Variants in AIF1L observed in about 807,000 individuals in gnomAD.
AIF1L encodes the protein allograft inflammatory factor 1-like.
Under a neutral mutation model 20.7 loss-of-function variants are expected in AIF1L, and 12 were observed. That is an observed-to-expected ratio of 0.58 (90% CI 0.37 to 0.94). The LOEUF (loss-of-function observed/expected upper bound fraction) is 0.94, where lower values mean the gene tolerates loss of function less well. AIF1L is among the 40% of genes least tolerant of loss of function. The pLI, the probability that AIF1L is intolerant of heterozygous loss-of-function variation, is 0.01. For missense variants in AIF1L, 173 were observed against 185.3 expected (o/e 0.93, Z 0.39); for synonymous variants, 76 against 65.1 (o/e 1.17, Z -0.81).
chr9:131,112,785 A>T (rs1336943346), intron 3 of AIF1L, among the ~76,000 whole-genome samples: 2 of 152,070 alleles, frequency 1.3e-5, no homozygotes, highest in African/African-American at 4.8e-5. Context: ...CATCCCAGCC[A>T]CCTGTAGGAG....
rs538555537 is a variant in AIF1L, at chr9:131,102,972, G to T, written c.93+6109G>T. ...CCTGGAGGGCCAGGAGCAAGGGTTCGCCAGAAGGTGCTAGAGGTACCAGCC... is the reference window on the plus strand; with the variant it reads ...CCTGGAGGGCCAGGAGCAAGGGTTCTCCAGAAGGTGCTAGAGGTACCAGCC... On this transcript the variant is annotated intron_variant, in intron 2 of 5. Coordinates refer to ENST00000247291, the MANE Select transcript of AIF1L (RefSeq NM_031426.4). 228 of 456,380 alleles carry T rather than the reference G, an allele frequency of 5.0e-4. 5 individuals are homozygous for T. Among genetic ancestry groups the T allele is most frequent in the South Asian group, 2.7e-3 (172 of 64,572 alleles). The allele number at this position is 456,380 out of a possible 1,614,324, so 28.3% of individuals were successfully genotyped here.
At chr9:131,119,935 G>C (rs543276357) in intron 5 of AIF1L, among the ~76,000 whole-genome samples, 1 of 152,330 alleles carries the variant, frequency 6.6e-6, no homozygotes, top group Admixed American at 6.5e-5. Flanking sequence ...GTTAAGGGAA[G>C]GGTATGGCCT....
At chr9:131,109,139 CTTGATGCTAGCACA>C (rs1188042565) in intron 2 of AIF1L, among the ~76,000 whole-genome samples, 2 of 83,644 alleles carry the variant, frequency 2.4e-5, no homozygotes, top group African/African-American at 6.6e-5. Flanking sequence ...CCTCTGCTCC[CTTGATGCTAGCACA>C]GTGAGTGCTG....
At chr9:131,100,216 GTTA>G (rs1023009885) in intron 2 of AIF1L, among the ~76,000 whole-genome samples, 14 of 152,252 alleles carry the variant, frequency 9.2e-5, no homozygotes, top group Non-Finnish European at 1.5e-4. Flanking sequence ...CTTAGCTATT[GTTA>G]TTATAAGGGA....
At chr9:131,116,513 C>A (rs1026782199) in intron 4 of AIF1L, among the ~76,000 whole-genome samples, 1 of 152,188 alleles carries the variant, frequency 6.6e-6, no homozygotes, top group East Asian at 1.9e-4. Flanking sequence ...ATCCGCCTGC[C>A]TCGTCGTCCC....
At chr9:131,107,057 C>T (rs752418723) in intron 2 of AIF1L, among the ~76,000 whole-genome samples, 2 of 152,152 alleles carry the variant, frequency 1.3e-5, no homozygotes, top group Non-Finnish European at 2.9e-5. Context: ...CGCGCCACTG[C>T]ACTCCAGCCT....
At chr9:131,097,959 C>A (rs949801369) in intron 2 of AIF1L, among the ~76,000 whole-genome samples, 1 of 152,244 alleles carries the variant, frequency 6.6e-6, no homozygotes, top group African/African-American at 2.4e-5. Context: ...CAAGGCTTGG[C>A]ATTCCCCCTG....
Position 131,111,648 on chromosome 9 carries a change from C to T in AIF1L, c.145C>T (p.Leu49Phe), listed in dbSNP as rs1156713903. The T allele has an allele frequency of 6.2e-7, 1 of 1,614,052 alleles. No individual in the cohort carries two copies. The highest frequency in any genetic ancestry group is 8.5e-7 in the Non-Finnish European group (1 of 1,179,954). The change falls in exon 3 of 6, where the codon CTC becomes TTC. Residue 49 changes from leucine (L) to phenylalanine (F), a missense_variant. Leu to Phe is a conservative substitution (Grantham distance 22). Coordinates refer to ENST00000247291, the MANE Select transcript of AIF1L (RefSeq NM_031426.4). Reference sequence around the variant, plus strand: ...TGATGAAGAGAACCTTCCAGAAAAGCTCACAGCCTTCAAAGGTAAGCTGGG... The same window carrying T: ...TGATGAAGAGAACCTTCCAGAAAAGTTCACAGCCTTCAAAGGTAAGCTGGG... ...YSDEENLPEK[L>F]TAFKEKYMEF...
At chr9:131,106,147 G>A (rs1422101327) in intron 2 of AIF1L, 2 of 1,525,284 alleles carry the variant, frequency 1.3e-6, no homozygotes, top group Non-Finnish European at 1.8e-6. Flanking sequence ...CTGGGGCCCT[G>A]CCTCCTCCGA....
intron 5 of AIF1L, 108 bp from the exon 6 acceptor site, chr9:131,120,127 C>G: frequency 4.9e-6 from 5 of 1,023,618 alleles, no homozygotes; most frequent in Non-Finnish European, 7.2e-6. Context: ...GATTTAAATT[C>G]TGTTGAGGAC....
rs1831111333 is a variant in AIF1L at position 131,120,451 on chromosome 9, C to G, written c.*129C>G. The G allele has an allele frequency of 1.3e-5, 10 of 796,530 alleles. No homozygotes were observed. The highest frequency in any genetic ancestry group is 3.5e-5 in the African/African-American group (2 of 56,846). The allele number at this position is 796,530 out of a possible 1,614,324, so 49.3% of individuals were successfully genotyped here. Reference sequence around the variant, plus strand: ...ATTGAGGGTTTGTTTGTGTTTTCATCAATGTCTTTGTAAAGCACAAATTAT... The same window carrying G: ...ATTGAGGGTTTGTTTGTGTTTTCATGAATGTCTTTGTAAAGCACAAATTAT... On this transcript the variant is annotated 3_prime_UTR_variant, in exon 6 of 6. Coordinates refer to ENST00000247291, the MANE Select transcript of AIF1L (RefSeq NM_031426.4).
intron 2 of AIF1L, among the ~76,000 whole-genome samples, chr9:131,099,162 A>G (rs375564142): frequency 2.1e-4 from 32 of 152,190 alleles, no homozygotes; most frequent in African/African-American, 7.7e-4. Flanking sequence ...TGCGGCCCTG[A>G]TAGCTATCAG....
rs945402034 is a variant in AIF1L at position 131,118,472 on chromosome 9, G to T, written c.365+554G>T. On this transcript the variant is annotated intron_variant, in intron 5 of 5. Transcript: ENST00000247291. ...AGGCAGAATCAGTACTCAGTAAGTG[G>T]CAACTGTGATGATGATGATGGTGGT... Among the ~76,000 whole-genome samples the T allele has an allele frequency of 9.9e-5, 15 of 151,940 alleles. 1 individual carries two copies. Among genetic ancestry groups the T allele is most frequent in the Non-Finnish European group, 1.3e-4 (9 of 67,986 alleles).
intron 2 of AIF1L, among the ~76,000 whole-genome samples, chr9:131,099,035 G>A (rs184081716): frequency 6.6e-6 from 1 of 152,192 alleles, no homozygotes; most frequent in South Asian, 2.1e-4. Flanking sequence ...GTACCCACAA[G>A]CACTGATCTG....
At chr9:131,117,194 C>T (rs988356540) in intron 4 of AIF1L, among the ~76,000 whole-genome samples, 2 of 152,194 alleles carry the variant, frequency 1.3e-5, no homozygotes, top group Non-Finnish European at 2.9e-5. Flanking sequence ...TCCCTTCCAG[C>T]CGGGGCAGAG....
intron 1 of AIF1L, 57 bp from the exon 2 acceptor site, chr9:131,096,742 ACGG>A: frequency 6.7e-7 from 1 of 1,487,308 alleles, no homozygotes; most frequent in East Asian, 2.8e-5. Flanking sequence ...GCGGGCGGGG[ACGG>A]GGGCGCGTGG....
chr9:131,121,391 C>CT lies in AIF1L; in HGVS notation c.*1069_*1070insT, dbSNP rs1831134908. 2 of 372,590 alleles carry CT rather than the reference C, an allele frequency of 5.4e-6. No homozygotes were observed. The highest frequency in any genetic ancestry group is 9.7e-6 in the Non-Finnish European group (2 of 207,090). The allele number at this position is 372,590 out of a possible 1,614,324, so 23.1% of individuals were successfully genotyped here. A position where few individuals can be genotyped will look rare whatever the true frequency, so the allele number is the denominator to read the frequency against. ...AGTATACACGGTCTAACTCATCTCT[C>CT]CCCAGATCTCTCAGAACCTTGAGCT... is the stretch of plus-strand genomic sequence containing the variant. On this transcript the variant is annotated 3_prime_UTR_variant, in exon 6 of 6. Transcript: ENST00000247291.
chr9:131,104,636 C>T (rs1237013218), intron 2 of AIF1L, among the ~76,000 whole-genome samples: 1 of 152,194 alleles, frequency 6.6e-6, no homozygotes, highest in Non-Finnish European at 1.5e-5. Context: ...GGGAGGGGGC[C>T]TCCTTCCTAA....
At chr9:131,116,535 A>T (rs1247910423) in intron 4 of AIF1L, among the ~76,000 whole-genome samples, 1 of 152,210 alleles carries the variant, frequency 6.6e-6, no homozygotes, top group African/African-American at 2.4e-5. Context: ...AAGTGCTGGG[A>T]TTACAGGCAT....
Sources: gnomAD v4.1 joint callset for allele counts (sites outside exome capture counted in the v4.1 genomes callset) on GRCh38, gnomAD v4.1.1 for gene constraint, MANE v1.5 for transcripts, NCBI Gene and HGNC (gene_info 2026-07-23, HGNC 2026-07-21) for gene names.